PAXBP1: variants seen among roughly 807,000 people sequenced by gnomAD.
PAXBP1 encodes the protein PAX3- and PAX7-binding protein 1.
A neutral mutation model predicts 119.9 loss-of-function variants in PAXBP1; 44 were observed. The ratio of observed to expected loss-of-function variants is 0.37; its 90% CI spans 0.29 to 0.47. PAXBP1 has a LOEUF of 0.47. Ranked by LOEUF, PAXBP1 falls within the 20% of genes least tolerant of loss-of-function variation. The pLI, the probability that PAXBP1 is intolerant of heterozygous loss-of-function variation, is 0.99. For synonymous variants in PAXBP1, 393 were observed against 406.6 expected, an observed-to-expected ratio of 0.97 and a Z score of 0.40; for missense variants, 898 against 1,134.1, an observed-to-expected ratio of 0.79 and a Z score of 2.99.
At chr21:32,762,607 T>A (rs1213873562) in intron 3 of PAXBP1, among the ~76,000 whole-genome samples, 1 of 150,176 alleles carries the variant, frequency 6.7e-6, no homozygotes, top group South Asian at 2.1e-4. Context: ...TTAGCTATAA[T>A]TTTTTTTTTC....
chr21:32,760,129 T>C, intron 5 of PAXBP1, 135 bp from the exon 6 acceptor site: 1 of 657,612 alleles, frequency 1.5e-6, no homozygotes, highest in Non-Finnish European at 2.6e-6. Flanking sequence ...GCAGAATTCT[T>C]CAAAATTAGA....
intron 11 of PAXBP1, among the ~76,000 whole-genome samples, chr21:32,747,181 T>C (rs1224439411): frequency 6.6e-6 from 1 of 152,158 alleles, no homozygotes; most frequent in African/African-American, 2.4e-5. Flanking sequence ...TAAACCACCA[T>C]GTCACATGTT....
chr21:32,742,566 A>AT (rs1412357934), intron 15 of PAXBP1: 1 of 152,790 alleles, frequency 6.5e-6, no homozygotes, highest in African/African-American at 2.4e-5. Context: ...GTCCCCTTTC[A>AT]TAACTCATCA....
intron 3 of PAXBP1, among the ~76,000 whole-genome samples, 200 bp downstream of exon 3, chr21:32,764,148 G>A (rs1199421994): frequency 6.6e-6 from 1 of 152,124 alleles, no homozygotes; most frequent in Non-Finnish European, 1.5e-5. Context: ...ACAATTACCT[G>A]TCTGTGAATA....
At position 32,771,378 on chromosome 21, in the gene PAXBP1, C is replaced by T; in HGVS notation, c.291G>A (p.Glu97=). The change falls in exon 1 of 18, where the codon GAG becomes GAA. Residue 97 remains glutamate (E), a synonymous_variant. Transcript: ENST00000331923. ...NGLKPRKRPR[E]NKEVPRASLL... is the part of the protein sequence containing the mutation. ...GGCTGGCCCGGGGCACCTCTTTGTT[C>T]TCGCGAGGCCTCTTGCGCGGCTTCA... 1 of 1,581,628 alleles carries T rather than the reference C, an allele frequency of 6.3e-7. No homozygotes were observed. Among genetic ancestry groups the T allele is most frequent in the Non-Finnish European group, 8.5e-7 (1 of 1,171,924 alleles).
At chr21:32,762,953 G>T (rs1347664026) in intron 3 of PAXBP1, among the ~76,000 whole-genome samples, 1 of 150,002 alleles carries the variant, frequency 6.7e-6, no homozygotes, top group African/African-American at 2.5e-5. Flanking sequence ...GTATTATGAT[G>T]CTGGAAAACA....
At chr21:32,743,517 T>C (rs1015922453) in intron 14 of PAXBP1, among the ~76,000 whole-genome samples, 161 bp downstream of exon 14, 15 of 152,212 alleles carry the variant, frequency 9.9e-5, no homozygotes, top group Non-Finnish European at 2.2e-4. Context: ...AAGAGTATTG[T>C]TTTATTCTGC....
At chr21:32,770,464 G>A (rs2044319138) in intron 1 of PAXBP1, among the ~76,000 whole-genome samples, 1 of 152,064 alleles carries the variant, frequency 6.6e-6, no homozygotes, top group South Asian at 2.1e-4. Flanking sequence ...AAATCTGTCT[G>A]TACTCCTCTC....
chr21:32,764,877 T>A (rs1171053382), intron 2 of PAXBP1, among the ~76,000 whole-genome samples: 1 of 152,256 alleles, frequency 6.6e-6, no homozygotes, highest in Non-Finnish European at 1.5e-5. Flanking sequence ...CACAAGGAAC[T>A]GCTTGTACCT....
intron 1 of PAXBP1, 100 bp downstream of exon 1, chr21:32,771,226 C>T: frequency 8.7e-7 from 1 of 1,150,548 alleles, no homozygotes; most frequent in South Asian, 1.8e-5. Flanking sequence ...GACTCCGTTC[C>T]AGGGCTCCGG....
rs1244081186 is a variant in PAXBP1, at chr21:32,759,891, T to C, written c.1079A>G (p.Tyr360Cys). The change falls in exon 6 of 18, where the codon TAT (tyrosine) becomes TGT (cysteine). Residue 360 changes from tyrosine (Y) to cysteine (C), a missense_variant. This residue lies in a region of PAXBP1 where 599 missense variants were observed against 852.7 expected (regional missense o/e 0.70). Coordinates refer to ENST00000331923, the MANE Select transcript of PAXBP1 (RefSeq NM_016631.4). ...SYGIPYSYTA[Y>C]GSSDAKSQKT... is the part of the protein sequence containing the mutation. ...TTGAGATTTGGCATCTGATGATCCA[T>C]AGGCCGTATAACTATAAGGAATGCC... The C allele has an allele frequency of 1.9e-6, 3 of 1,613,476 alleles. No individual in the cohort carries two copies. Among genetic ancestry groups the C allele is most frequent in the African/African-American group, 2.7e-5 (2 of 74,918 alleles).
At position 32,744,907 on chromosome 21, in the gene PAXBP1, G is replaced by C; in HGVS notation, c.2075C>G (p.Ala692Gly). ...KVILPKLTVI[A>G]ENMWDPFSTT... ...AGAAAAAGGGTCCCACATATTTTCA[G>C]CTATCACTATTAAGAAAAAAAGAGG... is the stretch of plus-strand genomic sequence containing the variant. The change falls in exon 13 of 18, where the codon GCT becomes GGT. Residue 692 changes from alanine (A) to glycine (G), a missense_variant. Physicochemically the swap from Ala to Gly is moderately conservative, Grantham distance 60. Around this residue, in one of 2 missense-constraint regions of PAXBP1, gnomAD observed 599 missense variants for 852.7 expected, o/e 0.70. Coordinates refer to ENST00000331923, the MANE Select transcript of PAXBP1 (RefSeq NM_016631.4). 6.3e-7 allele frequency: 1 copy of C among 1,596,678 alleles called. No individual in the cohort carries two copies. The highest frequency in any genetic ancestry group is 1.2e-5 in the South Asian group (1 of 86,114).
chr21:32,739,277 G>A (rs12626242), intron 15 of PAXBP1, among the ~76,000 whole-genome samples: 12,512 of 152,212 alleles, frequency 0.082, 633 homozygotes, highest in South Asian at 0.16. Context: ...AAGCCCAGTT[G>A]AGAAGAGCAG....
chr21:32,754,474 T>C (rs1239690179), intron 8 of PAXBP1, among the ~76,000 whole-genome samples: 1 of 152,074 alleles, frequency 6.6e-6, no homozygotes, highest in Admixed American at 6.5e-5. Context: ...CTCAAGAATA[T>C]GGAGGGTAAC....
intron 11 of PAXBP1, among the ~76,000 whole-genome samples, chr21:32,747,277 T>C (rs1179637797): frequency 6.6e-6 from 1 of 152,068 alleles, no homozygotes; most frequent in African/African-American, 2.4e-5. Flanking sequence ...CAATGGACCA[T>C]AGGCAGCACA....
rs751991336 is a variant in PAXBP1, at chr21:32,764,364, C to T, written c.633G>A (p.Leu211=). Residue 211 remains leucine, a synonymous_variant, in exon 3 of 18, where the codon TTG becomes TTA. Coordinates refer to ENST00000331923, the MANE Select transcript of PAXBP1 (RefSeq NM_016631.4). ...GGAFSNALSS[L]NVLRPGEIPD... is the part of the protein sequence containing the mutation. ...AGTACACACCTGGACGAAGAACATT[C>T]AATGAAGATAAAGCATTTGAAAAAG... is the stretch of plus-strand genomic sequence containing the variant. The T allele has an allele frequency of 6.2e-7, 1 of 1,613,756 alleles. No individual in the cohort carries two copies. The highest frequency in any genetic ancestry group is 8.5e-7 in the Non-Finnish European group (1 of 1,179,862).
At position 32,769,824 on chromosome 21, in the gene PAXBP1, T is replaced by A. The variant is rs764547472; in HGVS notation, c.462A>T (p.Ser154=). 1.6e-5 allele frequency: 26 copies of A among 1,600,644 alleles called. 1 individual carries two copies. In the South Asian group the frequency reaches 3.0e-4, roughly 18 times the overall value. Residue 154 remains serine (S), a synonymous_variant, in exon 2 of 18, where the codon TCA becomes TCT. Transcript: ENST00000331923. ...TAGTTTGGTACTTACTTTCAGCTGATGAGTTGAGTTCTGTCTTAATCTTCG... is the reference window on the plus strand; with the variant it reads ...TAGTTTGGTACTTACTTTCAGCTGAAGAGTTGAGTTCTGTCTTAATCTTCG... ...EKSKIKTELN[S]SAESEQPLDK...
rs1438419636 is a variant in PAXBP1, at chr21:32,734,187, T to G, written c.*763A>C. On this transcript the variant is annotated 3_prime_UTR_variant, in exon 18 of 18. Transcript: ENST00000331923. ...GACAGACTACTAAAATTCAAATGCA[T>G]GTATCTGCAAGCTGGGCAGGGAGTA... 6.6e-6 allele frequency: 1 copy of G among 152,662 alleles called. No homozygotes were observed. Among genetic ancestry groups the G allele is most frequent in the Non-Finnish European group, 1.5e-5 (1 of 68,038 alleles). The allele number at this position is 152,662 out of a possible 1,614,324, so 9.5% of individuals were successfully genotyped here. A position where few individuals can be genotyped will look rare whatever the true frequency, so the allele number is the denominator to read the frequency against.
At chr21:32,771,132 G>T (rs548560944) in intron 1 of PAXBP1, among the ~76,000 whole-genome samples, 194 bp downstream of exon 1, 125 of 152,370 alleles carry the variant, frequency 8.2e-4, no homozygotes, top group African/African-American at 2.7e-3. Context: ...TTAAGAAAAG[G>T]CTGGGGGCAG....
Sources: gnomAD v4.1 joint callset for allele counts (sites outside exome capture counted in the v4.1 genomes callset) on GRCh38, gnomAD v4.1.1 for gene constraint, gnomAD v4.1.1 regional missense constraint, MANE v1.5 for transcripts, NCBI Gene and HGNC (gene_info 2026-07-23, HGNC 2026-07-21) for gene names.